RANBP2: variants seen among roughly 807,000 people sequenced by gnomAD.
The protein encoded by RANBP2 is RAN binding protein 2.
Under a neutral mutation model 303.6 loss-of-function variants are expected in RANBP2, and 57 were observed. That is an observed-to-expected ratio of 0.19 (90% CI 0.15 to 0.23). The LOEUF (loss-of-function observed/expected upper bound fraction) is 0.23. Ranked by LOEUF, RANBP2 falls within the 10% of genes least tolerant of loss-of-function variation. RANBP2 has a pLI of 1.00. For synonymous variants in RANBP2, 1,167 were observed against 1,301.5 expected, an observed-to-expected ratio of 0.90 and a Z score of 2.23; for missense variants, 3,138 against 3,780.8, an observed-to-expected ratio of 0.83 and a Z score of 4.46.
chr2:109,021,653 C>T, the RANBP2 span, among the ~76,000 whole-genome samples: 1,022 of 151,704 alleles, frequency 6.7e-3, 27 homozygotes, highest in East Asian at 0.076. Flanking sequence ...CATCGACAGA[C>T]GTTGGAAGCG....
At chr2:109,390,020 A>C in the RANBP2 span, among the ~76,000 whole-genome samples, 1 of 152,054 alleles carries the variant, frequency 6.6e-6, no homozygotes, top group African/African-American at 2.4e-5. Flanking sequence ...GAAATTAATC[A>C]CTTTGGTCCT....
At chr2:109,615,627 C>T in the RANBP2 span, 1 of 1,613,782 alleles carries the variant, frequency 6.2e-7, no homozygotes, top group Non-Finnish European at 8.5e-7. Context: ...AAAGGCCTCC[C>T]AGTACCTGAG....
chr2:109,419,492 A>T, the RANBP2 span: 1 of 1,530,838 alleles, frequency 6.5e-7, no homozygotes, highest in South Asian at 1.2e-5. Flanking sequence ...TTTCCCTTGG[A>T]TGGAGTCTCT....
the RANBP2 span, among the ~76,000 whole-genome samples, chr2:109,194,615 C>CAA: frequency 8.0e-3 from 1,226 of 152,348 alleles, 12 homozygotes; most frequent in East Asian, 0.04. Context: ...TATGCACACA[C>CAA]AGGCACTTTG....
the RANBP2 span, among the ~76,000 whole-genome samples, chr2:109,022,290 C>T: frequency 6.6e-6 from 1 of 152,288 alleles, no homozygotes; most frequent in African/African-American, 2.4e-5. Context: ...GTGGTTCCCC[C>T]GCCCCACTCA....
the RANBP2 span, among the ~76,000 whole-genome samples, chr2:109,044,264 T>C: frequency 2.6e-5 from 4 of 152,130 alleles, no homozygotes; most frequent in Admixed American, 1.3e-4. Flanking sequence ...CTCACTCCTG[T>C]AATCCCAGCA....
chr2:109,489,851 C>T, the RANBP2 span, among the ~76,000 whole-genome samples: 8 of 152,210 alleles, frequency 5.3e-5, no homozygotes, highest in Non-Finnish European at 1.2e-4. Context: ...TATTCTCCCA[C>T]CTCAGGCTCC....
At chr2:109,386,955 T>TCAAA in the RANBP2 span, among the ~76,000 whole-genome samples, 1 of 152,214 alleles carries the variant, frequency 6.6e-6, no homozygotes, top group Non-Finnish European at 1.5e-5. Context: ...TCTGCTTTTT[T>TCAAA]GTTTCTAATG....
the RANBP2 span, among the ~76,000 whole-genome samples, chr2:108,864,590 G>A: frequency 6.6e-6 from 1 of 152,098 alleles, no homozygotes; most frequent in Non-Finnish European, 1.5e-5. Flanking sequence ...GAGGTTAGGA[G>A]ATCGAGAGCA....
chr2:109,224,512 G>A, the RANBP2 span, among the ~76,000 whole-genome samples: 1 of 152,182 alleles, frequency 6.6e-6, no homozygotes, highest in Non-Finnish European at 1.5e-5. Flanking sequence ...ACCAGCCACA[G>A]GTGACTACTG....
the RANBP2 span, among the ~76,000 whole-genome samples, chr2:109,655,511 T>G: frequency 6.6e-6 from 1 of 152,036 alleles, no homozygotes; most frequent in African/African-American, 2.4e-5. Flanking sequence ...GGAGCAAACT[T>G]GGAGGGGCAG....
chr2:108,803,259 A>G, the RANBP2 span, among the ~76,000 whole-genome samples: 4 of 152,108 alleles, frequency 2.6e-5, no homozygotes, highest in African/African-American at 7.2e-5. Flanking sequence ...GTTGAGCCCA[A>G]TTTGTACAGG....
chr2:109,618,242 C>CTATAACACT, the RANBP2 span: 3 of 166,382 alleles, frequency 1.8e-5, no homozygotes. Flanking sequence ...GTATCTAGTG[C>CTATAACACT]AGAATAAGCT....
At chr2:109,230,059 C>T in the RANBP2 span, among the ~76,000 whole-genome samples, 10 of 151,852 alleles carry the variant, frequency 6.6e-5, no homozygotes, top group African/African-American at 2.2e-4. Flanking sequence ...CTCTTGACTT[C>T]GTGATCCGCC....
At chr2:109,261,758 G>C in the RANBP2 span, among the ~76,000 whole-genome samples, 785 of 152,274 alleles carry the variant, frequency 5.2e-3, 7 homozygotes, top group Middle Eastern at 0.01. Flanking sequence ...GGCATTTCAA[G>C]CCTTTGTCAT....
the RANBP2 span, among the ~76,000 whole-genome samples, chr2:109,174,860 T>C: frequency 6.6e-6 from 1 of 152,206 alleles, no homozygotes; most frequent in Non-Finnish European, 1.5e-5. Flanking sequence ...AGGCAGTTTC[T>C]TTCTGCCCCT....
chr2:109,647,460 C>CT, the RANBP2 span, among the ~76,000 whole-genome samples: 2 of 151,404 alleles, frequency 1.3e-5, no homozygotes, highest in East Asian at 2.0e-4. Context: ...CCACACCCGG[C>CT]CCTCTCCTCA....
At chr2:108,989,816 G>C in the RANBP2 span, among the ~76,000 whole-genome samples, 1 of 41,764 alleles carries the variant, frequency 2.4e-5, no homozygotes, top group Admixed American at 2.1e-4. Context: ...GTAAATGATT[G>C]GGGGGGGGAA....
chr2:108,735,794 T>C (rs1695532746), intron 5 of RANBP2, 32 bp downstream of exon 5: 2 of 1,597,518 alleles, frequency 1.3e-6, no homozygotes, highest in Non-Finnish European at 1.7e-6. Context: ...TTTACATTTC[T>C]ATGTAGGCAA....
Sources: allele counts gnomAD v4.1 joint callset (sites outside exome capture counted in the v4.1 genomes callset), GRCh38; gene constraint gnomAD v4.1.1; transcripts MANE v1.5; gene names NCBI Gene and HGNC (gene_info 2026-07-23, HGNC 2026-07-21).